Variants in RNF17 observed in about 807,000 individuals in gnomAD.
The protein encoded by RNF17 is ring finger protein 17.
In RNF17, 31 loss-of-function variants were observed where a neutral mutation model predicts 200.5. The ratio of observed to expected loss-of-function variants is 0.15; its 90% CI spans 0.12 to 0.21. RNF17 has a LOEUF of 0.21. Among genes scored for constraint, RNF17 ranks in the 10% least tolerant of loss-of-function variants. The probability of loss-of-function intolerance (pLI) is 1.00; values close to 1 mark genes in which losing one functional copy is unlikely to be tolerated. For synonymous variants in RNF17, 606 were observed against 637.8 expected (o/e 0.95, Z 0.75); for missense variants, 1,628 against 1,905.1 (o/e 0.85, Z 2.71).
chr13:24,883,167 A>C, downstream of RNF17: 5 of 1,611,600 alleles, frequency 3.1e-6, no homozygotes, highest in Non-Finnish European at 4.2e-6. Context: ...TCATGATCAC[A>C]TGAGGATCGT....
chr13:24,759,513 G>C (rs886838575), upstream of RNF17, among the ~76,000 whole-genome samples: 1 of 152,136 alleles, frequency 6.6e-6, no homozygotes, highest in African/African-American at 2.4e-5. Flanking sequence ...TCAAGAAATG[G>C]TCAAAATAAG....
rs184806317 is a variant in RNF17 at position 24,840,749 on chromosome 13, G to T, written c.2483-1292G>T. Reference sequence around the variant, plus strand: ...TAGGAACTTGGGGGTAAAGTAGGAGGGGGGCGAAGGATAAAAGACTACAAA... The same window carrying T: ...TAGGAACTTGGGGGTAAAGTAGGAGTGGGGCGAAGGATAAAAGACTACAAA... On this transcript the variant is annotated intron_variant, in intron 18 of 35. Coordinates refer to ENST00000255324, the MANE Select transcript of RNF17 (RefSeq NM_031277.3). Among the ~76,000 whole-genome samples the T allele has an allele frequency of 4.1e-3, 624 of 151,522 alleles. 4 individuals carry two copies. Among genetic ancestry groups the T allele is most frequent in the Non-Finnish European group, 6.4e-3 (438 of 67,928 alleles).
At chr13:24,828,625 A>G (rs548055031) in intron 16 of RNF17, among the ~76,000 whole-genome samples, 29 of 142,934 alleles carry the variant, frequency 2.0e-4, no homozygotes, top group African/African-American at 7.9e-4. Context: ...TTGTATCACA[A>G]TTTTTCATTA....
At chr13:24,841,059 T>C (rs372227386) in intron 18 of RNF17, among the ~76,000 whole-genome samples, 4 of 152,208 alleles carry the variant, frequency 2.6e-5, no homozygotes, top group Admixed American at 6.5e-5. Context: ...TTTAGAGATG[T>C]TTTCTAAAGA....
chr13:24,881,791 C>T (rs556952989), downstream of RNF17, among the ~76,000 whole-genome samples: 14 of 141,700 alleles, frequency 9.9e-5, no homozygotes, highest in Non-Finnish European at 6.1e-5. Flanking sequence ...GGTGAAACCC[C>T]GTCTCTATAT....
At chr13:24,802,707 C>T in intron 14 of RNF17, 136 bp downstream of exon 14, 1 of 632,202 alleles carries the variant, frequency 1.6e-6, no homozygotes, top group Non-Finnish European at 2.7e-6. Flanking sequence ...TGCTCTTAGA[C>T]TTTTCTGAGT....
intron 23 of RNF17, among the ~76,000 whole-genome samples, chr13:24,851,101 TCTC>T (rs1891841873): frequency 6.6e-6 from 1 of 152,302 alleles, no homozygotes; most frequent in Admixed American, 6.5e-5. Context: ...TTCAAGAGCT[TCTC>T]CTGTCTCAGC....
At chr13:24,845,492 A>C (rs1016430175) in intron 22 of RNF17, among the ~76,000 whole-genome samples, 1 of 152,230 alleles carries the variant, frequency 6.6e-6, no homozygotes, top group African/African-American at 2.4e-5. Context: ...ACTAAAGACT[A>C]CACAGCCAAT....
At chr13:24,863,446 A>G (rs561679066) in intron 28 of RNF17, among the ~76,000 whole-genome samples, 4 of 152,076 alleles carry the variant, frequency 2.6e-5, no homozygotes, top group Admixed American at 2.6e-4. Flanking sequence ...CATTCAGGAG[A>G]GGTAGGGGCC....
At position 24,773,170 on chromosome 13, in the gene RNF17, C is replaced by A. The variant is rs114172146; in HGVS notation, c.226-1643C>A. ...ATTTCTGAAAGAACTAATAATAGAA[C>A]AACCATTTGACTCAGCACTTCCATT... On this transcript the variant is annotated intron_variant, in intron 2 of 35. Coordinates refer to ENST00000255324, the MANE Select transcript of RNF17 (RefSeq NM_031277.3). 1.6e-3 allele frequency among the ~76,000 whole-genome samples: 241 copies of A among 152,282 alleles called. 1 individual carries two copies. Among genetic ancestry groups the A allele is most frequent in the African/African-American group, 5.5e-3 (228 of 41,558 alleles).
intron 15 of RNF17, among the ~76,000 whole-genome samples, chr13:24,823,498 T>C (rs966027809): frequency 2.0e-5 from 3 of 152,184 alleles, no homozygotes; most frequent in Admixed American, 2.0e-4. Context: ...ACTCAGCTAA[T>C]GATTGACAGA....
chr13:24,854,269 CAATG>C, intron 25 of RNF17, 125 bp downstream of exon 25: 1 of 667,878 alleles, frequency 1.5e-6, no homozygotes, highest in Non-Finnish European at 2.5e-6. Context: ...TGATTTCACA[CAATG>C]CATGCAAAGT....
chr13:24,885,164 C>T, the RNF17 span: 1 of 725,088 alleles, frequency 1.4e-6, no homozygotes, highest in Non-Finnish European at 2.4e-6. Context: ...CGAGAAATGG[C>T]AACTAAAGGC....
chr13:24,764,039 A>G, upstream of RNF17: 1 of 583,792 alleles, frequency 1.7e-6, no homozygotes, highest in Non-Finnish European at 2.9e-6. Context: ...CTCCCAGGAT[A>G]ACGGAAAACA....
intron 20 of RNF17, 72 bp downstream of exon 20, chr13:24,844,043 C>A: frequency 2.0e-6 from 1 of 493,862 alleles, no homozygotes; most frequent in Non-Finnish European, 3.3e-6. Flanking sequence ...TTTCAAAGAT[C>A]TAGAAGTCAT....
chr13:24,812,686 T>TCCC (rs1886857916), intron 15 of RNF17, among the ~76,000 whole-genome samples: 28 of 13,058 alleles, frequency 2.1e-3, no homozygotes, highest in African/African-American at 4.4e-3. Flanking sequence ...CCCACCCCCT[T>TCCC]TTTTTTTTTT....
intron 29 of RNF17, 61 bp from the exon 30 acceptor site, chr13:24,866,083 T>C (rs1339602674): frequency 8.8e-6 from 8 of 904,222 alleles, no homozygotes; most frequent in Admixed American, 4.6e-5. Flanking sequence ...GGATGAAATA[T>C]GGAAAGTACC....
At chr13:24,806,728 AT>A (rs1353978229) in intron 15 of RNF17, among the ~76,000 whole-genome samples, 1 of 151,456 alleles carries the variant, frequency 6.6e-6, no homozygotes, top group Non-Finnish European at 1.5e-5. Context: ...TACATGTGCC[AT>A]GCTGGTGCGC....
chr13:24,832,442 C>T (rs1294672610), intron 18 of RNF17, among the ~76,000 whole-genome samples: 1 of 152,022 alleles, frequency 6.6e-6, no homozygotes, highest in Non-Finnish European at 1.5e-5. Flanking sequence ...CAATTGGGAC[C>T]AAAATAGAGT....
Sources: gnomAD v4.1 joint callset for allele counts (sites outside exome capture counted in the v4.1 genomes callset) on GRCh38, gnomAD v4.1.1 for gene constraint, MANE v1.5 for transcripts, NCBI Gene and HGNC (gene_info 2026-07-23, HGNC 2026-07-21) for gene names.